TIMD4: variants seen among roughly 807,000 people sequenced by gnomAD.
TIMD4 encodes T cell immunoglobulin and mucin domain containing 4.
In TIMD4, 31 loss-of-function variants were observed where a neutral mutation model predicts 41.2. The ratio of observed to expected loss-of-function variants is 0.75; its 90% CI spans 0.57 to 1.01. The LOEUF (loss-of-function observed/expected upper bound fraction) is 1.01, where lower values mean the gene tolerates loss of function less well. Among genes scored for constraint, TIMD4 ranks in the 50% least tolerant of loss-of-function variants. The pLI, the probability that TIMD4 is intolerant of heterozygous loss-of-function variation, is 0.00. For missense variants in TIMD4, 479 were observed against 472.5 expected (o/e 1.01, Z -0.13); for synonymous variants, 204 against 177.1 (o/e 1.15, Z -1.21).
chr5:156,935,056 C>T (rs923799905), intron 5 of TIMD4, among the ~76,000 whole-genome samples: 7 of 152,178 alleles, frequency 4.6e-5, no homozygotes, highest in African/African-American at 1.7e-4. Flanking sequence ...TAGCCTCGGG[C>T]TTACGCTGCC....
chr5:156,934,072 T>C (rs769274276), intron 5 of TIMD4, among the ~76,000 whole-genome samples: 18 of 152,224 alleles, frequency 1.2e-4, no homozygotes, highest in Non-Finnish European at 2.1e-4. Flanking sequence ...AGTTCTGAAA[T>C]GGCATTACAA....
At chr5:156,945,202 A>G (rs766763825) in intron 5 of TIMD4, among the ~76,000 whole-genome samples, 3 of 152,242 alleles carry the variant, frequency 2.0e-5, no homozygotes, top group Non-Finnish European at 4.4e-5. Flanking sequence ...GCACGGTGTT[A>G]GAGTGATCTG....
intron 8 of TIMD4, 61 bp downstream of exon 8, chr5:156,920,403 G>A: frequency 6.5e-7 from 1 of 1,545,862 alleles, no homozygotes; most frequent in Non-Finnish European, 8.9e-7. Flanking sequence ...CTGAGTAGTA[G>A]CTAATCATTT....
chr5:156,919,408 A>C lies in TIMD4; in HGVS notation c.*49T>G. 6.7e-7 allele frequency: 1 copy of C among 1,498,096 alleles called. No individual in the cohort carries two copies. The highest frequency in any genetic ancestry group is 9.3e-7 in the Non-Finnish European group (1 of 1,077,846). 92.8% of individuals were successfully genotyped at this position (1,498,096 alleles called of 1,614,324 possible). A position where few individuals can be genotyped will look rare whatever the true frequency, so the allele number is the denominator to read the frequency against. On this transcript the variant is annotated 3_prime_UTR_variant, in exon 9 of 9. Transcript: ENST00000274532. The stretch of plus-strand genomic sequence containing the variant: ...AGGAAATCTACTAAGACTTATTTTG[A>C]CACTGGAGTGTCATGCCCCCATCCT...
chr5:156,924,727 C>CT (rs1759315242), intron 6 of TIMD4: 1 of 173,072 alleles, frequency 5.8e-6, no homozygotes, highest in Non-Finnish European at 1.2e-5. Flanking sequence ...ATTTCATGCT[C>CT]TACACATTTT....
intron 1 of TIMD4, among the ~76,000 whole-genome samples, chr5:156,959,548 G>A (rs1760040916): frequency 6.6e-6 from 1 of 152,182 alleles, no homozygotes; most frequent in Non-Finnish European, 1.5e-5. Flanking sequence ...GAGCTACCTG[G>A]AATGGTGGAT....
rs193153652 is a variant in TIMD4 at position 156,924,054 on chromosome 5, C to T, written c.895-1838G>A. 2.4e-4 allele frequency: 46 copies of T among 192,130 alleles called. No homozygotes were observed. In the Middle Eastern group the frequency reaches 7.0e-3, roughly 29 times the overall value. The allele number at this position is 192,130 out of a possible 1,614,324, so 11.9% of individuals were successfully genotyped here. A position where few individuals can be genotyped will look rare whatever the true frequency, so the allele number is the denominator to read the frequency against. On this transcript the variant is annotated intron_variant, in intron 6 of 8. Transcript: ENST00000274532. ...TAGAGACAGGGGTCTCGCCCTGTTG[C>T]CCAGGCTAGAAACTGAGTTTCAAAC...
chr5:156,943,952 C>T (rs1317478838), intron 5 of TIMD4, among the ~76,000 whole-genome samples: 1 of 150,384 alleles, frequency 6.6e-6, no homozygotes, highest in Non-Finnish European at 1.5e-5. Context: ...CCCAGTTACT[C>T]AGGAGGCTGA....
In TIMD4 at chr5:156,927,163, G is replaced by T. The variant is rs115709192; in HGVS notation, c.845-851C>A. Among the ~76,000 whole-genome samples, 823 of 152,338 alleles carry T rather than the reference G, an allele frequency of 5.4e-3. 6 individuals are homozygous for T. The highest frequency in any genetic ancestry group is 0.019 in the African/African-American group (781 of 41,576). On this transcript the variant is annotated intron_variant, in intron 5 of 8. Transcript: ENST00000274532. The stretch of plus-strand genomic sequence containing the variant: ...AGCTCAACTTTGTAGTTCATTGAAA[G>T]TTTTATTAGAATAAAGTGTCATGAG...
intron 5 of TIMD4, among the ~76,000 whole-genome samples, chr5:156,943,895 C>CAA (rs70984420): frequency 3.4e-4 from 43 of 127,652 alleles, no homozygotes; most frequent in African/African-American, 1.0e-3. Flanking sequence ...ACTAAAAATA[C>CAA]AAAAAAAAAA....
intron 4 of TIMD4, among the ~76,000 whole-genome samples, 154 bp downstream of exon 4, chr5:156,949,497 A>T (rs930052066): frequency 1.3e-4 from 20 of 151,710 alleles, no homozygotes; most frequent in African/African-American, 4.6e-4. Context: ...ACAAACTACA[A>T]AGGCTGCCTT....
chr5:156,943,888 A>G (rs1264771830), intron 5 of TIMD4, among the ~76,000 whole-genome samples: 1 of 149,784 alleles, frequency 6.7e-6, no homozygotes, highest in East Asian at 2.0e-4. Flanking sequence ...CGTCTCTACT[A>G]AAAATACAAA....
intron 5 of TIMD4, among the ~76,000 whole-genome samples, chr5:156,927,075 C>T (rs1256113629): frequency 6.6e-6 from 1 of 152,186 alleles, no homozygotes; most frequent in Non-Finnish European, 1.5e-5. Context: ...TTCAGCCTAA[C>T]AGGCCAAAGG....
At chr5:156,953,065 A>G (rs1053012526) in intron 2 of TIMD4, among the ~76,000 whole-genome samples, 5 of 152,194 alleles carry the variant, frequency 3.3e-5, no homozygotes, top group African/African-American at 1.2e-4. Flanking sequence ...ATTGACTCTA[A>G]TGGACCAGAA....
chr5:156,954,824 TG>T, intron 1 of TIMD4, 68 bp from the exon 2 acceptor site: 1 of 1,324,952 alleles, frequency 7.5e-7, no homozygotes, highest in Non-Finnish European at 1.0e-6. Context: ...ACACAGTTTT[TG>T]TGCTAATAGA....
At chr5:156,933,974 T>G (rs1759493481) in intron 5 of TIMD4, among the ~76,000 whole-genome samples, 1 of 152,194 alleles carries the variant, frequency 6.6e-6, no homozygotes, top group Non-Finnish European at 1.5e-5. Flanking sequence ...GAAGTTAGGG[T>G]AATAATAGAC....
chr5:156,947,898 T>G (rs968121709), intron 5 of TIMD4, among the ~76,000 whole-genome samples: 5 of 152,184 alleles, frequency 3.3e-5, no homozygotes, highest in Admixed American at 6.5e-5. Context: ...CAAAAATGCA[T>G]TAGTGTGACA....
chr5:156,942,016 C>T (rs1663304195), intron 5 of TIMD4, among the ~76,000 whole-genome samples: 1 of 152,202 alleles, frequency 6.6e-6, no homozygotes, highest in Non-Finnish European at 1.5e-5. Flanking sequence ...ACCCACTCCC[C>T]CATATTCTTG....
intron 7 of TIMD4, 120 bp downstream of exon 7, chr5:156,921,979 C>T (rs1759250113): frequency 2.8e-6 from 2 of 706,408 alleles, no homozygotes; most frequent in Non-Finnish European, 4.6e-6. Flanking sequence ...GGGATGGGAA[C>T]AATGGCAGAA....
Sources: gnomAD v4.1 joint callset for allele counts (sites outside exome capture counted in the v4.1 genomes callset) on GRCh38, gnomAD v4.1.1 for gene constraint, MANE v1.5 for transcripts, NCBI Gene and HGNC (gene_info 2026-07-23, HGNC 2026-07-21) for gene names.